DNMBP: variants seen among roughly 807,000 people sequenced by gnomAD.
The protein encoded by DNMBP is dynamin binding protein, also known as dynamin-binding protein.
DNMBP carries 87 observed loss-of-function variants against 150.0 expected under a neutral mutation model. The ratio of observed to expected loss-of-function variants is 0.58; its 90% CI spans 0.49 to 0.69. The LOEUF is 0.69. Among genes scored for constraint, DNMBP ranks in the 30% least tolerant of loss-of-function variants. The pLI is 0.00. For missense variants in DNMBP, 1,774 were observed against 1,949.0 expected, an observed-to-expected ratio of 0.91 and a Z score of 1.69; for synonymous variants, 711 against 750.4, an observed-to-expected ratio of 0.95 and a Z score of 0.86.
At chr10:99,885,947 G>T in intron 13 of DNMBP, 81 bp from the exon 14 acceptor site, 1 of 1,313,032 alleles carries the variant, frequency 7.6e-7, no homozygotes, top group Non-Finnish European at 1.0e-6. Flanking sequence ...AAAACATGAT[G>T]AAAGATCCCG....
intron 3 of DNMBP, among the ~76,000 whole-genome samples, chr10:99,962,003 CATT>C (rs2040570141): frequency 6.7e-6 from 1 of 150,144 alleles, no homozygotes; most frequent in Admixed American, 6.7e-5. Context: ...GAAGCCGCAT[CATT>C]ATTAACCCCA....
chr10:99,915,929 A>C (rs2039960988), intron 4 of DNMBP, among the ~76,000 whole-genome samples: 1 of 152,168 alleles, frequency 6.6e-6, no homozygotes, highest in South Asian at 2.1e-4. Context: ...ACCAATAGCT[A>C]TTCTGTCTCT....
chr10:99,998,461 T>C (rs1371831882), intron 1 of DNMBP, among the ~76,000 whole-genome samples: 5 of 150,998 alleles, frequency 3.3e-5, no homozygotes, highest in African/African-American at 7.3e-5. Flanking sequence ...ACGCCTGTAA[T>C]GCCAGCTACT....
Position 99,895,012 on chromosome 10 carries a change from G to T in DNMBP, c.3090C>A (p.Phe1030Leu). ...DEVFEETEKN[F>L]RMQERLIKSF... ...ACTTAATCAATCTTTCTTGCATTCG[G>T]AAGTTTTTTTCTGTTTCTTCAAATA... Residue 1030 changes from phenylalanine to leucine, a missense_variant, in exon 11 of 17, where the codon TTC becomes TTA. Phe to Leu is a conservative substitution (Grantham distance 22). Transcript: ENST00000324109. 1 of 1,613,618 alleles carries T rather than the reference G, an allele frequency of 6.2e-7. No homozygotes were observed. The highest frequency in any genetic ancestry group is 8.5e-7 in the Non-Finnish European group (1 of 1,179,810).
At chr10:99,980,856 A>G (rs946668351) in intron 1 of DNMBP, among the ~76,000 whole-genome samples, 37 of 152,088 alleles carry the variant, frequency 2.4e-4, no homozygotes, top group African/African-American at 8.5e-4. Flanking sequence ...AAGGACAAAT[A>G]CTGCATGAAT....
chr10:99,991,313 G>A (rs1331960925), intron 1 of DNMBP, among the ~76,000 whole-genome samples: 2 of 151,828 alleles, frequency 1.3e-5, no homozygotes, highest in African/African-American at 2.4e-5. Context: ...TCCTGACCTC[G>A]TGATCTGCCC....
At chr10:99,935,630 C>A (rs2040221673) in intron 4 of DNMBP, among the ~76,000 whole-genome samples, 2 of 152,066 alleles carry the variant, frequency 1.3e-5, no homozygotes, top group East Asian at 1.9e-4. Flanking sequence ...AATGGTGCAA[C>A]CTCAGCTCAC....
chr10:99,921,554 A>G (rs1190325252), intron 4 of DNMBP, among the ~76,000 whole-genome samples: 1 of 152,158 alleles, frequency 6.6e-6, no homozygotes, highest in Non-Finnish European at 1.5e-5. Context: ...ATGGCATTTA[A>G]TAAATGGCAG....
chr10:99,968,606 T>C (rs930974241), intron 3 of DNMBP, among the ~76,000 whole-genome samples: 13 of 151,234 alleles, frequency 8.6e-5, no homozygotes, highest in African/African-American at 3.2e-4. Flanking sequence ...GAGGACTGCT[T>C]GAGCCTGGGA....
intron 9 of DNMBP, 79 bp from the exon 10 acceptor site, chr10:99,896,476 A>G (rs764553645): frequency 1.9e-5 from 26 of 1,388,934 alleles, no homozygotes; most frequent in Non-Finnish European, 2.3e-5. Context: ...TGAACACCCA[A>G]ACGGGAGCTA....
chr10:99,998,077 T>C (rs2040969250), intron 1 of DNMBP, among the ~76,000 whole-genome samples: 1 of 145,922 alleles, frequency 6.9e-6, no homozygotes, highest in African/African-American at 2.6e-5. Flanking sequence ...CTACTAAAAA[T>C]ACAAAAAATT....
intron 4 of DNMBP, among the ~76,000 whole-genome samples, chr10:99,924,843 C>A (rs572522712): frequency 6.6e-6 from 1 of 152,342 alleles, no homozygotes; most frequent in African/African-American, 2.4e-5. Context: ...AAAGTGCCTT[C>A]AAATCAATGC....
chr10:99,997,927 C>CAAAAAAAA lies in DNMBP; in HGVS notation c.-11+11903_-11+11910dup, dbSNP rs71009798. ...TGGGTGACAGAATGAGACTCTGTCT[C>CAAAAAAAA]AAAAAAAAAAAAAAAAAAAAAAAAA... On this transcript the variant is annotated intron_variant, in intron 1 of 16. Transcript: ENST00000324109. 9.0e-5 allele frequency among the ~76,000 whole-genome samples: 2 copies of CAAAAAAAA among 22,330 alleles called. 1 individual carries two copies. The highest frequency in any genetic ancestry group is 1.6e-4 in the Non-Finnish European group (2 of 12,548). 14.6% of individuals were successfully genotyped at this position (22,330 alleles called of 152,430 possible).
At chr10:99,917,748 G>A (rs919296974) in intron 4 of DNMBP, among the ~76,000 whole-genome samples, 5 of 151,766 alleles carry the variant, frequency 3.3e-5, no homozygotes, top group African/African-American at 9.7e-5. Context: ...GGTGGATCAC[G>A]AGGTCAGGAG....
chr10:99,999,230 T>C (rs1248125839), intron 1 of DNMBP, among the ~76,000 whole-genome samples: 1 of 152,200 alleles, frequency 6.6e-6, no homozygotes, highest in African/African-American at 2.4e-5. Context: ...TGGGGACCAC[T>C]ATGGCAAGAC....
At chr10:99,980,219 C>T (rs1484992975) in intron 1 of DNMBP, among the ~76,000 whole-genome samples, 1 of 152,098 alleles carries the variant, frequency 6.6e-6, no homozygotes, top group Admixed American at 6.5e-5. Flanking sequence ...CTGAGGCAGG[C>T]GGATCATCCG....
chr10:99,949,016 A>G (rs1402590694), intron 4 of DNMBP, among the ~76,000 whole-genome samples: 2 of 151,996 alleles, frequency 1.3e-5, no homozygotes, highest in Non-Finnish European at 1.5e-5. Context: ...AAATAAATGC[A>G]GAGTTTTAAG....
In DNMBP at chr10:99,955,650, T is replaced by A; in HGVS notation, c.1824A>T (p.Leu608=). 1 of 1,614,198 alleles carries A rather than the reference T, an allele frequency of 6.2e-7. No individual in the cohort carries two copies. The highest frequency in any genetic ancestry group is 1.1e-5 in the South Asian group (1 of 91,086). The change falls in exon 4 of 17, where the codon CTA becomes CTT. Residue 608 remains leucine (L), a synonymous_variant. Transcript: ENST00000324109. ...EQELPERRKA[L]RPPPPRPCTP... ...TACAGGGACGAGGTGGCGGTGGCCTTAGGGCCTTTCTCCTTTCCGGCAGCT... is the reference window on the plus strand; with the variant it reads ...TACAGGGACGAGGTGGCGGTGGCCTAAGGGCCTTTCTCCTTTCCGGCAGCT...
chr10:99,886,352 G>A lies in DNMBP; in HGVS notation c.3566C>T (p.Ala1189Val). The change falls in exon 13 of 17, where the codon GCC becomes GTC. Residue 1189 changes from alanine (A) to valine (V), a missense_variant. This residue lies in a region of DNMBP where 1,430 missense variants were observed against 1,492.5 expected (regional missense o/e 0.96). Transcript: ENST00000324109. ...FTNCVHGYAE[A>V]HCDFVHQALE... ...AGCCTGGTGCACAAAGTCACAGTGG[G>A]CTTCAGCATAGCCGTGGACACAGTT... 3 of 1,614,180 alleles carry A rather than the reference G, an allele frequency of 1.9e-6. No homozygotes were observed. Among genetic ancestry groups the A allele is most frequent in the Non-Finnish European group, 2.5e-6 (3 of 1,180,018 alleles).
Sources: allele counts gnomAD v4.1 joint callset (sites outside exome capture counted in the v4.1 genomes callset), GRCh38; gene constraint gnomAD v4.1.1; regional missense constraint gnomAD v4.1.1; transcripts MANE v1.5; gene names NCBI Gene and HGNC (gene_info 2026-07-23, HGNC 2026-07-21).